Variants in ARNT2 observed in about 807,000 individuals in gnomAD.
The protein encoded by ARNT2 is aryl hydrocarbon receptor nuclear translocator 2, also known as ARNT protein 2.
Under a neutral mutation model 91.7 loss-of-function variants are expected in ARNT2, and 36 were observed. The ratio of observed to expected loss-of-function variants is 0.39; its 90% CI spans 0.30 to 0.52. ARNT2 has a LOEUF of 0.52. ARNT2 is among the 20% of genes least tolerant of loss of function. The pLI is 0.72. For missense variants in ARNT2, 775 were observed against 939.3 expected (o/e 0.83, Z 2.29); for synonymous variants, 365 against 347.1 (o/e 1.05, Z -0.57).
chr15:80,542,621 T>G (rs1483623681), intron 8 of ARNT2, among the ~76,000 whole-genome samples: 1 of 151,978 alleles, frequency 6.6e-6, no homozygotes, highest in Non-Finnish European at 1.5e-5. Context: ...TAAAGAAAAT[T>G]TATGGGTATT....
At chr15:80,563,296 A>G in intron 12 of ARNT2, 57 bp downstream of exon 12, 1 of 1,599,834 alleles carries the variant, frequency 6.3e-7, no homozygotes, top group South Asian at 1.1e-5. Context: ...TTGGGTCCAG[A>G]GCTGGCAATT....
intron 11 of ARNT2, chr15:80,556,294 G>GAAAAATAAAATACAAAAT (rs1898187456): frequency 2.6e-5 from 4 of 151,700 alleles, no homozygotes; most frequent in Non-Finnish European, 5.9e-5. Flanking sequence ...AATAAATAAA[G>GAAAAATAAAATACAAAAT]AAAGAAAAAT....
rs1897789696 is a variant in ARNT2 at position 80,534,499 on chromosome 15, C to T, written c.878-16700C>T. On this transcript the variant is annotated intron_variant, in intron 8 of 18. Transcript: ENST00000303329. ...CTACCCTAGTCCAACCCCTAAAAAC[C>T]AATTGACAATATTCTAGCACTTCTC... Among the ~76,000 whole-genome samples the T allele has an allele frequency of 2.6e-5, 4 of 152,056 alleles. No homozygotes were observed. The South Asian group carries it at 8.3e-4, about 32-fold the overall frequency.
At chr15:80,537,874 G>T (rs937377327) in intron 8 of ARNT2, among the ~76,000 whole-genome samples, 1 of 152,148 alleles carries the variant, frequency 6.6e-6, no homozygotes, top group Non-Finnish European at 1.5e-5. Context: ...TGGAAATAGG[G>T]TCTTTTTGCA....
chr15:80,588,666 T>A (rs1024237620), intron 17 of ARNT2, among the ~76,000 whole-genome samples: 48 of 152,168 alleles, frequency 3.2e-4, no homozygotes, highest in African/African-American at 1.2e-3. Flanking sequence ...CATCAGGCCT[T>A]TGAACAGACT....
At chr15:80,480,814 C>G (rs1896874807) in intron 5 of ARNT2, among the ~76,000 whole-genome samples, 3 of 152,088 alleles carry the variant, frequency 2.0e-5, no homozygotes, top group South Asian at 4.2e-4. Flanking sequence ...CTCTCTCTCC[C>G]CTCCTTCCTC....
chr15:80,525,489 G>A (rs1897625399), intron 8 of ARNT2, among the ~76,000 whole-genome samples: 1 of 151,428 alleles, frequency 6.6e-6, no homozygotes, highest in Admixed American at 6.6e-5. Context: ...CTGACAGATA[G>A]TATGTATTTC....
intron 8 of ARNT2, among the ~76,000 whole-genome samples, chr15:80,525,269 G>A (rs1413182656): frequency 6.6e-6 from 1 of 151,550 alleles, no homozygotes; most frequent in Non-Finnish European, 1.5e-5. Context: ...TAGAGGTTCT[G>A]GAAAACAACA....
chr15:80,561,966 G>A (rs568226072), intron 11 of ARNT2, among the ~76,000 whole-genome samples: 15 of 152,240 alleles, frequency 9.9e-5, no homozygotes, highest in African/African-American at 2.4e-4. Flanking sequence ...AAACAGCATA[G>A]CATCTATAGG....
At chr15:80,548,828 T>C (rs1898032735) in intron 8 of ARNT2, among the ~76,000 whole-genome samples, 1 of 152,108 alleles carries the variant, frequency 6.6e-6, no homozygotes, top group Admixed American at 6.5e-5. Context: ...GAGATGTCAG[T>C]TCTCCTGAAG....
intron 12 of ARNT2, among the ~76,000 whole-genome samples, chr15:80,564,261 C>T (rs889195078): frequency 6.6e-6 from 1 of 152,130 alleles, no homozygotes; most frequent in African/African-American, 2.4e-5. Context: ...TGCTGACATC[C>T]CTTCTCGGTA....
intron 1 of ARNT2, among the ~76,000 whole-genome samples, chr15:80,448,699 T>C (rs1896341072): frequency 6.6e-6 from 1 of 152,124 alleles, no homozygotes; most frequent in African/African-American, 2.4e-5. Context: ...ATACCAAAAC[T>C]TGGGCCTGGC....
At chr15:80,505,930 T>TTTTTTTTTTG (rs1396412961) in intron 5 of ARNT2, among the ~76,000 whole-genome samples, 1 of 121,570 alleles carries the variant, frequency 8.2e-6, no homozygotes, top group African/African-American at 4.0e-5. Flanking sequence ...ATTTGTTGTT[T>TTTTTTTTTTG]TTTTTTTTTT....
At chr15:80,577,736 C>T (rs1045773956) in intron 15 of ARNT2, among the ~76,000 whole-genome samples, 6 of 152,218 alleles carry the variant, frequency 3.9e-5, no homozygotes, top group Admixed American at 6.5e-5. Context: ...AGAGAGAGGC[C>T]CCTGCCACGG....
At position 80,593,636 on chromosome 15, in the gene ARNT2, A is replaced by C; in HGVS notation, c.2092A>C (p.Thr698Pro). 1 of 1,606,496 alleles carries C rather than the reference A, an allele frequency of 6.2e-7. No homozygotes were observed. The highest frequency in any genetic ancestry group is 8.5e-7 in the Non-Finnish European group (1 of 1,175,604). The change falls in exon 19 of 19, where the codon ACT (threonine) becomes CCT (proline). Residue 698 changes from threonine (T) to proline (P), a missense_variant. Thr to Pro is a conservative substitution (Grantham distance 38). Transcript: ENST00000303329. ...LPMPGDPTQG[T>P]GNYNIEDFAD... ...CATGCCAGGAGATCCAACCCAGGGG[A>C]CTGGCAACTATAACATCGAAGACTT... is the stretch of plus-strand genomic sequence containing the variant.
chr15:80,460,807 A>C (rs768628123), intron 3 of ARNT2, among the ~76,000 whole-genome samples: 1 of 152,202 alleles, frequency 6.6e-6, no homozygotes, highest in Non-Finnish European at 1.5e-5. Flanking sequence ...GGATGAGTAC[A>C]TCCATGTGAG....
intron 17 of ARNT2, among the ~76,000 whole-genome samples, chr15:80,584,793 A>T (rs558796138): frequency 7.9e-5 from 12 of 152,294 alleles, no homozygotes; most frequent in Admixed American, 2.0e-4. Flanking sequence ...TCAGTTCATT[A>T]TCCATGGCCA....
intron 13 of ARNT2, 70 bp downstream of exon 13, chr15:80,574,290 C>T: frequency 6.8e-7 from 1 of 1,467,538 alleles, no homozygotes; most frequent in South Asian, 1.1e-5. Context: ...CTCAATTCAG[C>T]CCTGAGCTTG....
chr15:80,444,044 T>C (rs1896241278), intron 1 of ARNT2, among the ~76,000 whole-genome samples: 1 of 152,212 alleles, frequency 6.6e-6, no homozygotes, highest in Non-Finnish European at 1.5e-5. Flanking sequence ...ATGCCTGTCT[T>C]TTCCAAATGT....
Sources: allele counts gnomAD v4.1 joint callset (sites outside exome capture counted in the v4.1 genomes callset), GRCh38; gene constraint gnomAD v4.1.1; transcripts MANE v1.5; gene names NCBI Gene and HGNC (gene_info 2026-07-23, HGNC 2026-07-21).